DSG3: variants seen among roughly 807,000 people sequenced by gnomAD.
DSG3 encodes desmoglein 3.
DSG3 carries 63 observed loss-of-function variants against 85.9 expected under a neutral mutation model. The observed-to-expected ratio is 0.73, with a 90% CI of 0.60 to 0.90. The LOEUF is 0.90. Ranked by LOEUF, DSG3 falls within the 40% of genes least tolerant of loss-of-function variation. The probability of loss-of-function intolerance (pLI) is 0.00; values close to 1 mark genes in which losing one functional copy is unlikely to be tolerated. For synonymous variants in DSG3, 447 were observed against 441.9 expected (o/e 1.01, Z -0.14); for missense variants, 1,220 against 1,219.9 (o/e 1.00, Z 0.00).
chr18:31,450,580 A>G (rs1011565525), intron 1 of DSG3, among the ~76,000 whole-genome samples: 15 of 152,166 alleles, frequency 9.9e-5, no homozygotes, highest in Admixed American at 3.3e-4. Context: ...GATGTGTTTG[A>G]AGGTTTTGTA....
At chr18:31,469,679 AC>A (rs2072844030) in intron 12 of DSG3, among the ~76,000 whole-genome samples, 3 of 152,142 alleles carry the variant, frequency 2.0e-5, no homozygotes, top group African/African-American at 7.2e-5. Flanking sequence ...AGAGTGTGGC[AC>A]TTTCTAAGAT....
At position 31,456,973 on chromosome 18, in the gene DSG3, G is replaced by A; in HGVS notation, c.85-20G>A. On this transcript the variant is annotated intron_variant, in intron 2 of 15. Coordinates refer to ENST00000257189, the MANE Select transcript of DSG3 (RefSeq NM_001944.3). Reference sequence around the variant, plus strand: ...ATTGCCATTAATTTCCATAACAAATGGAATCCCTTTTTACATAAGACTAAA... The same window carrying A: ...ATTGCCATTAATTTCCATAACAAATAGAATCCCTTTTTACATAAGACTAAA... 1 of 1,581,032 alleles carries A rather than the reference G, an allele frequency of 6.3e-7. No individual in the cohort carries two copies. Among genetic ancestry groups the A allele is most frequent in the Non-Finnish European group, 8.6e-7 (1 of 1,166,926 alleles).
chr18:31,447,918 T>C lies in DSG3; in HGVS notation c.41T>C (p.Ile14Thr). ...CCCAGAACTACAGGGGCTCTGGCCATCTTCGTGGTAAGTCCTGGATTTTCC... is the reference window on the plus strand; with the variant it reads ...CCCAGAACTACAGGGGCTCTGGCCACCTTCGTGGTAAGTCCTGGATTTTCC... Reference protein sequence around the residue: ...LFPRTTGALAIFVVVILVHGE... With the variant: ...LFPRTTGALATFVVVILVHGE... Residue 14 changes from isoleucine to threonine, a missense_variant, in exon 1 of 16, where the codon ATC becomes ACC. By Grantham distance (89) the Ile-to-Thr change is moderately conservative (BLOSUM62 -1). Coordinates refer to ENST00000257189, the MANE Select transcript of DSG3 (RefSeq NM_001944.3). 1 of 1,584,938 alleles carries C rather than the reference T, an allele frequency of 6.3e-7. No individual in the cohort carries two copies. Among genetic ancestry groups the C allele is most frequent in the South Asian group, 1.1e-5 (1 of 87,224 alleles).
At chr18:31,448,831 G>A (rs2072694430) in intron 1 of DSG3, among the ~76,000 whole-genome samples, 1 of 152,026 alleles carries the variant, frequency 6.6e-6, no homozygotes, top group African/African-American at 2.4e-5. Flanking sequence ...AAAAAATTGA[G>A]ATAAATGGAC....
chr18:31,461,096 A>T (rs1040777769), intron 7 of DSG3, 131 bp from the exon 8 acceptor site: 8 of 1,254,798 alleles, frequency 6.4e-6, no homozygotes, highest in Non-Finnish European at 7.5e-6. Flanking sequence ...CTTTTTAAAA[A>T]ATATAAGAAT....
In DSG3 at chr18:31,476,288, C is replaced by A; in HGVS notation, c.*28C>A. 1 of 1,572,840 alleles carries A rather than the reference C, an allele frequency of 6.4e-7. No homozygotes were observed. The highest frequency in any genetic ancestry group is 8.6e-7 in the Non-Finnish European group (1 of 1,159,660). On this transcript the variant is annotated 3_prime_UTR_variant, in exon 16 of 16. Transcript: ENST00000257189. Reference sequence around the variant, plus strand: ...AGAATGAGCTGGAATACCACACTGACCAAATCTGGATCTTTGGACTAAAGT... The same window carrying A: ...AGAATGAGCTGGAATACCACACTGAACAAATCTGGATCTTTGGACTAAAGT...
rs774278080 is a variant in DSG3, at chr18:31,457,011, G to A, written c.103G>A (p.Glu35Lys). 1 of 1,610,940 alleles carries A rather than the reference G, an allele frequency of 6.2e-7. No individual in the cohort carries two copies. Among genetic ancestry groups the A allele is most frequent in the East Asian group, 2.2e-5 (1 of 44,748 alleles). The change falls in exon 3 of 16, where the codon GAA becomes AAA. Residue 35 changes from glutamate to lysine, a missense_variant. By Grantham distance (56) the Glu-to-Lys change is moderately conservative. Transcript: ENST00000257189. ...LRIETKGQYD[E>K]EEMTMQQAKR... ...ACATAAGACTAAAGGTCAATATGAT[G>A]AAGAAGAGATGACTATGCAACAAGC...
At chr18:31,457,543 CTT>C (rs1568086330) in intron 3 of DSG3, among the ~76,000 whole-genome samples, 2 of 126,528 alleles carry the variant, frequency 1.6e-5, no homozygotes, top group Admixed American at 1.6e-4. Flanking sequence ...TTCTTTCTTT[CTT>C]TCTCTTTCTT....
Position 31,458,509 on chromosome 18 carries a change from A to T in DSG3, c.281A>T (p.Gln94Leu). 6.2e-7 allele frequency: 1 copy of T among 1,614,140 alleles called. No homozygotes were observed. Among genetic ancestry groups the T allele is most frequent in the East Asian group, 2.2e-5 (1 of 44,886 alleles). ...CGAATCTCTGGAGTGGGAATCGATC[A>T]GCCGCCTTTTGGAATCTTTGTTGTT... is the stretch of plus-strand genomic sequence containing the variant. Reference protein sequence around the residue: ...TYRISGVGIDQPPFGIFVVDK... With the variant: ...TYRISGVGIDLPPFGIFVVDK... The change falls in exon 4 of 16, where the codon CAG becomes CTG. Residue 94 changes from glutamine to leucine, a missense_variant. Gln to Leu is a moderately radical substitution (Grantham distance 113). Coordinates refer to ENST00000257189, the MANE Select transcript of DSG3 (RefSeq NM_001944.3).
intron 1 of DSG3, among the ~76,000 whole-genome samples, chr18:31,454,299 G>A (rs8093256): frequency 3.3e-5 from 5 of 152,148 alleles, no homozygotes; most frequent in South Asian, 2.1e-4. Context: ...ATTTTTATGC[G>A]CTGAGAAAGG....
chr18:31,465,433 A>G lies in DSG3; in HGVS notation c.1387A>G (p.Thr463Ala). ...DSTFIVNKTI[T>A]AEVLAIDEYT... ...TACTTTCATAGTTAACAAAACAATCACAGCTGAGGTTCTGGCCATAGATGG... is the reference window on the plus strand; with the variant it reads ...TACTTTCATAGTTAACAAAACAATCGCAGCTGAGGTTCTGGCCATAGATGG... The change falls in exon 10 of 16, where the codon ACA (threonine) becomes GCA (alanine). Residue 463 changes from threonine (T) to alanine (A), a missense_variant. Physicochemically the swap from Thr to Ala is moderately conservative, Grantham distance 58 (BLOSUM62 0). Transcript: ENST00000257189. 1 of 1,527,076 alleles carries G rather than the reference A, an allele frequency of 6.5e-7. No individual in the cohort carries two copies. The allele number at this position is 1,527,076 out of a possible 1,614,324, so 94.6% of individuals were successfully genotyped here. A position where few individuals can be genotyped will look rare whatever the true frequency, so the allele number is the denominator to read the frequency against.
chr18:31,472,194 A>G (rs762759826), intron 12 of DSG3, 90 bp from the exon 13 acceptor site: 276 of 1,577,000 alleles, frequency 1.8e-4, no homozygotes, highest in Non-Finnish European at 2.3e-4. Context: ...AAGATACTGT[A>G]TTTTCTTTGT....
Position 31,476,702 on chromosome 18 carries a change from G to C in DSG3, c.*442G>C, listed in dbSNP as rs2072890602. On this transcript the variant is annotated 3_prime_UTR_variant, in exon 16 of 16. Coordinates refer to ENST00000257189, the MANE Select transcript of DSG3 (RefSeq NM_001944.3). ...GGGCCGGGCGCGGTGGCTCACGCCTGTAATCCCAGCACTTTGGGAGGCCGA... is the reference window on the plus strand; with the variant it reads ...GGGCCGGGCGCGGTGGCTCACGCCTCTAATCCCAGCACTTTGGGAGGCCGA... The C allele has an allele frequency of 6.4e-6, 1 of 155,114 alleles. No individual in the cohort carries two copies. Among genetic ancestry groups the C allele is most frequent in the Non-Finnish European group, 1.4e-5 (1 of 70,050 alleles). The allele number at this position is 155,114 out of a possible 1,614,324, so 9.6% of individuals were successfully genotyped here.
chr18:31,458,319 G>A, intron 3 of DSG3, 126 bp from the exon 4 acceptor site: 1 of 1,096,458 alleles, frequency 9.1e-7, no homozygotes, highest in Admixed American at 2.4e-5. Flanking sequence ...AAGGCAAAAA[G>A]TAAATGGCAC....
Position 31,460,822 on chromosome 18 carries a change from T to A in DSG3, c.685-11T>A, listed in dbSNP as rs749279467. 7 of 1,567,132 alleles carry A rather than the reference T, an allele frequency of 4.5e-6. No homozygotes were observed. In the South Asian group the frequency reaches 8.6e-5, roughly 19 times the overall value. On this transcript the variant is annotated splice_polypyrimidine_tract_variant and intron_variant, in intron 6 of 15. Coordinates refer to ENST00000257189, the MANE Select transcript of DSG3 (RefSeq NM_001944.3). Reference sequence around the variant, plus strand: ...ATTAATTATTTTTCTTTATTTTTTATCCAAAATTAGCAAGCTAGCAGCTAT... The same window carrying A: ...ATTAATTATTTTTCTTTATTTTTTAACCAAAATTAGCAAGCTAGCAGCTAT...
chr18:31,468,703 C>G (rs2072836837), intron 11 of DSG3, among the ~76,000 whole-genome samples: 1 of 152,186 alleles, frequency 6.6e-6, no homozygotes, highest in Non-Finnish European at 1.5e-5. Context: ...GTGTTGAAAA[C>G]TTAATCCCCA....
At position 31,465,387 on chromosome 18, in the gene DSG3, C is replaced by A; in HGVS notation, c.1341C>A (p.Val447=). The A allele has an allele frequency of 6.5e-7, 1 of 1,545,230 alleles. No individual in the cohort carries two copies. Among genetic ancestry groups the A allele is most frequent in the Non-Finnish European group, 8.7e-7 (1 of 1,145,926 alleles). Reference sequence around the variant, plus strand: ...CAAAAACTGCTGAAATCAAATTTGTCAAAAATATGAACCGAGATTCTACTT... The same window carrying A: ...CAAAAACTGCTGAAATCAAATTTGTAAAAAATATGAACCGAGATTCTACTT... ...IDSKTAEIKF[V]KNMNRDSTFI... The change falls in exon 10 of 16, where the codon GTC becomes GTA. Residue 447 remains valine (V), a synonymous_variant. Transcript: ENST00000257189.
chr18:31,475,823 A>C lies in DSG3; in HGVS notation c.2563A>C (p.Lys855Gln). The part of the protein sequence containing the change: ...FLDSLGPKFK[K>Q]LAEISLGVDG... ...GGACTCACTTGGACCCAAATTTAAA[A>C]AACTTGCAGAGATAAGCCTTGGTGT... The change falls in exon 16 of 16, where the codon AAA becomes CAA. Residue 855 changes from lysine (K) to glutamine (Q), a missense_variant. Lys to Gln is a moderately conservative substitution (Grantham distance 53). Coordinates refer to ENST00000257189, the MANE Select transcript of DSG3 (RefSeq NM_001944.3). 1 of 1,614,176 alleles carries C rather than the reference A, an allele frequency of 6.2e-7. No individual in the cohort carries two copies. Among genetic ancestry groups the C allele is most frequent in the Non-Finnish European group, 8.5e-7 (1 of 1,180,044 alleles).
At position 31,460,010 on chromosome 18, in the gene DSG3, A is replaced by G. The variant is rs762740057; in HGVS notation, c.683A>G (p.Glu228Gly). The change falls in exon 6 of 16, where the codon GAG becomes GGG. Residue 228 changes from glutamate (E) to glycine (G), a missense_variant and splice_region_variant. Transcript: ENST00000257189. ...ACTTTGACCAATTCTCTTGACCGAG[A>G]GGTACAGCAAAGCACTTGGGGGAAC... ...VRTLTNSLDR[E>G]QASSYRLVVS... is the part of the protein sequence containing the mutation. The G allele has an allele frequency of 6.2e-7, 1 of 1,612,240 alleles. No individual in the cohort carries two copies. Among genetic ancestry groups the G allele is most frequent in the Non-Finnish European group, 8.5e-7 (1 of 1,179,048 alleles).
Sources: allele counts gnomAD v4.1 joint callset (sites outside exome capture counted in the v4.1 genomes callset), GRCh38; gene constraint gnomAD v4.1.1; transcripts MANE v1.5; gene names NCBI Gene and HGNC (gene_info 2026-07-23, HGNC 2026-07-21).